The following RELN variants were observed in gnomAD, a reference collection of about 807,000 sequenced individuals.
The protein encoded by RELN is reelin.
A neutral mutation model predicts 427.6 loss-of-function variants in RELN; 108 were observed. The observed-to-expected ratio is 0.25, with a 90% confidence interval of 0.22 to 0.30. RELN has a LOEUF of 0.30. Ranked by LOEUF, RELN falls within the 10% of genes least tolerant of loss-of-function variation. RELN has a pLI of 1.00. For missense variants in RELN, 3,715 were observed against 4,302.8 expected, an observed-to-expected ratio of 0.86 and a Z score of 3.82; for synonymous variants, 1,524 against 1,513.4, an observed-to-expected ratio of 1.01 and a Z score of -0.16.
intron 52 of RELN, among the ~76,000 whole-genome samples, chr7:103,501,872 G>A (rs961816996): frequency 1.3e-5 from 2 of 152,128 alleles, no homozygotes; most frequent in Non-Finnish European, 2.9e-5. Context: ...GCAAGGTGGC[G>A]CTTGTTCTGG....
At position 103,473,852 on chromosome 7, in the gene RELN, T is replaced by G. The variant is rs549849940; in HGVS notation, c.10287-944A>C. On this transcript the variant is annotated intron_variant, in intron 64 of 64. Transcript: ENST00000428762. ...GGCATCAATATGTGGTTTATGAGAG[T>G]GAGCCTATCAGTATATTTCAAATTC... Among the ~76,000 whole-genome samples, 9 of 152,236 alleles carry G rather than the reference T, an allele frequency of 5.9e-5. No individual in the cohort carries two copies. In the South Asian group the frequency reaches 1.9e-3, roughly 32 times the overall value.
chr7:103,873,775 G>A (rs1013402365), intron 2 of RELN, among the ~76,000 whole-genome samples: 1 of 135,530 alleles, frequency 7.4e-6, no homozygotes, highest in African/African-American at 2.6e-5. Context: ...TCTACCAGAG[G>A]TACAAGGAGG....
At chr7:103,693,502 T>C (rs1331999582) in intron 10 of RELN, among the ~76,000 whole-genome samples, 1 of 151,084 alleles carries the variant, frequency 6.6e-6, no homozygotes, top group Non-Finnish European at 1.5e-5. Context: ...TCCCAGAACT[T>C]TAAGTATATA....
chr7:103,731,586 G>T (rs184215595), intron 6 of RELN, among the ~76,000 whole-genome samples: 74 of 152,160 alleles, frequency 4.9e-4, no homozygotes, highest in African/African-American at 1.8e-3. Flanking sequence ...GCAGAATTGG[G>T]AGTCAAACTC....
intron 60 of RELN, among the ~76,000 whole-genome samples, chr7:103,487,900 T>C (rs1828501065): frequency 6.6e-6 from 1 of 152,122 alleles, no homozygotes; most frequent in South Asian, 2.1e-4. Flanking sequence ...TTCCAGCACT[T>C]TGGGAGGCCG....
chr7:103,601,756 G>GGAGGAGA (rs576893087), intron 24 of RELN, among the ~76,000 whole-genome samples: 133 of 152,268 alleles, frequency 8.7e-4, no homozygotes, highest in African/African-American at 3.1e-3. Context: ...CTGCAGTGAG[G>GGAGGAGA]GAGGAGAGAG....
At chr7:103,592,730 T>C (rs1206731221) in intron 27 of RELN, among the ~76,000 whole-genome samples, 1 of 152,222 alleles carries the variant, frequency 6.6e-6, no homozygotes, top group Non-Finnish European at 1.5e-5. Context: ...ATTAATTAAA[T>C]AGAAAAGGTG....
intron 2 of RELN, among the ~76,000 whole-genome samples, chr7:103,879,037 T>C (rs1438975610): frequency 1.3e-5 from 2 of 152,202 alleles, no homozygotes; most frequent in Admixed American, 1.3e-4. Context: ...ATGTCTAAGC[T>C]GTTTTGAATT....
At chr7:103,876,700 T>C (rs762126786) in intron 2 of RELN, among the ~76,000 whole-genome samples, 7 of 152,158 alleles carry the variant, frequency 4.6e-5, no homozygotes, top group Non-Finnish European at 1.0e-4. Context: ...AGAAATATAC[T>C]ATGTGATGCT....
chr7:103,816,995 G>A (rs943742239), intron 3 of RELN, among the ~76,000 whole-genome samples: 3 of 152,070 alleles, frequency 2.0e-5, no homozygotes, highest in African/African-American at 7.2e-5. Flanking sequence ...GGGACTATAA[G>A]AGTGCACCAC....
chr7:103,660,261 C>T (rs1833110382), intron 12 of RELN, among the ~76,000 whole-genome samples: 1 of 151,942 alleles, frequency 6.6e-6, no homozygotes, highest in Non-Finnish European at 1.5e-5. Flanking sequence ...TAAGGTTTTC[C>T]AGGAATCCCT....
At chr7:103,614,236 T>C (rs1187076297) in intron 20 of RELN, among the ~76,000 whole-genome samples, 4 of 152,234 alleles carry the variant, frequency 2.6e-5, no homozygotes, top group Non-Finnish European at 4.4e-5. Context: ...AATAGGAATC[T>C]AGAGTTATTT....
chr7:103,933,669 G>A (rs1795913840), intron 1 of RELN, among the ~76,000 whole-genome samples: 1 of 152,084 alleles, frequency 6.6e-6, no homozygotes, highest in Non-Finnish European at 1.5e-5. Context: ...CCATCATTTT[G>A]CAACAGAAGA....
At chr7:103,476,846 C>G (rs191759395) in intron 64 of RELN, 45 of 209,944 alleles carry the variant, frequency 2.1e-4, no homozygotes, top group Middle Eastern at 3.2e-3. Flanking sequence ...TGATGTACAG[C>G]TATAGATAAC....
chr7:103,746,115 T>C (rs1389105942), intron 6 of RELN, among the ~76,000 whole-genome samples: 3 of 152,052 alleles, frequency 2.0e-5, no homozygotes, highest in African/African-American at 7.3e-5. Flanking sequence ...TAATGCTGCA[T>C]ATCTACAACT....
Position 103,539,061 on chromosome 7 carries a change from G to A in RELN, c.7180+17C>T. The A allele has an allele frequency of 6.2e-7, 1 of 1,613,538 alleles. No individual in the cohort carries two copies. Reference sequence around the variant, plus strand: ...TGCCCACATGCCTGTCCCTCTATCTGGAGACGGCATACTCACCATAACAAG... The same window carrying A: ...TGCCCACATGCCTGTCCCTCTATCTAGAGACGGCATACTCACCATAACAAG... On this transcript the variant is annotated intron_variant, in intron 45 of 64. Transcript: ENST00000428762.
chr7:103,531,660 C>A (rs1829942669), intron 46 of RELN, among the ~76,000 whole-genome samples: 1 of 152,164 alleles, frequency 6.6e-6, no homozygotes, highest in South Asian at 2.1e-4. Context: ...TGTCTACTGC[C>A]TGTACCATCG....
At chr7:103,619,068 C>T (rs1015062103) in intron 20 of RELN, among the ~76,000 whole-genome samples, 2 of 151,792 alleles carry the variant, frequency 1.3e-5, no homozygotes, top group Non-Finnish European at 2.9e-5. Context: ...GAGATTGCGC[C>T]ACTGCACTCC....
intron 45 of RELN, among the ~76,000 whole-genome samples, chr7:103,536,030 G>A (rs1830043231): frequency 6.6e-6 from 1 of 152,072 alleles, no homozygotes; most frequent in African/African-American, 2.4e-5. Flanking sequence ...AAATTGAGCA[G>A]ACTTCTCCAA....
Sources: gnomAD v4.1 joint callset for allele counts (sites outside exome capture counted in the v4.1 genomes callset) on GRCh38, gnomAD v4.1.1 for gene constraint, MANE v1.5 for transcripts, NCBI Gene and HGNC (gene_info 2026-07-23, HGNC 2026-07-21) for gene names.